Variants in NDEL1 observed in about 807,000 individuals in gnomAD.
The protein encoded by NDEL1 is nuclear distribution protein nudE-like 1.
A neutral mutation model predicts 45.7 loss-of-function variants in NDEL1; 9 were observed. The observed-to-expected ratio is 0.20, with a 90% CI of 0.12 to 0.34. NDEL1 has a LOEUF of 0.34. NDEL1 is among the 10% of genes least tolerant of loss of function. The probability of loss-of-function intolerance (pLI) is 1.00; values close to 1 mark genes in which losing one functional copy is unlikely to be tolerated. For missense variants in NDEL1, 306 were observed against 406.2 expected (o/e 0.75, Z 2.12); for synonymous variants, 133 against 158.6 (o/e 0.84, Z 1.21).
chr17:8,451,638 T>C (rs963717758), intron 6 of NDEL1, among the ~76,000 whole-genome samples: 4 of 152,212 alleles, frequency 2.6e-5, no homozygotes, highest in Non-Finnish European at 5.9e-5. Context: ...AGTGTGTTTT[T>C]TTAAAATCCG....
At chr17:8,421,052 T>C (rs1177359803) in intron 1 of NDEL1, among the ~76,000 whole-genome samples, 1 of 152,220 alleles carries the variant, frequency 6.6e-6, no homozygotes, top group Non-Finnish European at 1.5e-5. Flanking sequence ...AGTTAGGTAT[T>C]TATTTTAGGG....
At chr17:8,456,959 A>G (rs1426028556) in intron 7 of NDEL1, among the ~76,000 whole-genome samples, 2 of 152,210 alleles carry the variant, frequency 1.3e-5, no homozygotes, top group East Asian at 3.8e-4. Context: ...CAATGCACAT[A>G]TATGTGTTAT....
chr17:8,432,370 A>T (rs1253192521), upstream of NDEL1, among the ~76,000 whole-genome samples: 1 of 118,256 alleles, frequency 8.5e-6, no homozygotes, highest in African/African-American at 3.2e-5. Flanking sequence ...ATATATATAT[A>T]TTTAATGGCA....
chr17:8,457,555 C>A (rs1023216805), intron 7 of NDEL1, among the ~76,000 whole-genome samples: 6 of 152,214 alleles, frequency 3.9e-5, no homozygotes, highest in Non-Finnish European at 8.8e-5. Context: ...TCATTTATGC[C>A]TCTTTACACG....
chr17:8,472,468 G>A (rs1417524351), downstream of NDEL1, among the ~76,000 whole-genome samples: 2 of 152,132 alleles, frequency 1.3e-5, no homozygotes, highest in Non-Finnish European at 2.9e-5. Flanking sequence ...AAACCAACCT[G>A]TCCAACATGG....
At chr17:8,458,116 A>AGC in intron 7 of NDEL1, among the ~76,000 whole-genome samples, 1 of 151,528 alleles carries the variant, frequency 6.6e-6, no homozygotes, top group East Asian at 1.9e-4. Flanking sequence ...AGTGCTGTCA[A>AGC]ATCCTGTGGA....
chr17:8,440,279 A>G (rs1909643708), intron 1 of NDEL1, among the ~76,000 whole-genome samples: 2 of 152,180 alleles, frequency 1.3e-5, no homozygotes, highest in South Asian at 4.1e-4. Flanking sequence ...GCACTTTGGG[A>G]GGCCGAGGAG....
intron 1 of NDEL1, among the ~76,000 whole-genome samples, chr17:8,442,006 T>C (rs1909765563): frequency 6.6e-6 from 1 of 152,222 alleles, no homozygotes; most frequent in South Asian, 2.1e-4. Context: ...CCTAAAATTT[T>C]CTTATTCATG....
rs183701668 is a variant in NDEL1, at chr17:8,457,214, T to G, written c.792+2327T>G. On this transcript the variant is annotated intron_variant, in intron 7 of 8. Transcript: ENST00000334527. ...TTCTTTGCTCTCGGATCTTCTAGCT[T>G]CTTCTTCACACTCTTTGTGGGATGC... 9.8e-5 allele frequency among the ~76,000 whole-genome samples: 15 copies of G among 152,318 alleles called. 1 individual carries two copies. In the East Asian group the frequency reaches 1.7e-3, roughly 18 times the overall value.
chr17:8,458,408 C>T (rs983179217), intron 7 of NDEL1, among the ~76,000 whole-genome samples: 1 of 152,128 alleles, frequency 6.6e-6, no homozygotes, highest in Non-Finnish European at 1.5e-5. Context: ...CCTTTCCCCC[C>T]TCAAAAGACC....
At chr17:8,447,962 ATTGGT>A (rs1597539104) in intron 4 of NDEL1, among the ~76,000 whole-genome samples, 1 of 82,818 alleles carries the variant, frequency 1.2e-5, no homozygotes, top group East Asian at 4.2e-4. Context: ...CAGCAGCCAG[ATTGGT>A]TGCGGGGAGG....
chr17:8,419,299 TAA>T (rs1320701200), intron 1 of NDEL1, among the ~76,000 whole-genome samples: 1 of 152,168 alleles, frequency 6.6e-6, no homozygotes, highest in Non-Finnish European at 1.5e-5. Flanking sequence ...AAAATACTGA[TAA>T]ACACAAAAAA....
chr17:8,445,924 T>C (rs1376847995), intron 3 of NDEL1, 60 bp downstream of exon 3: 14 of 1,355,904 alleles, frequency 1.0e-5, no homozygotes, highest in Non-Finnish European at 1.2e-5. Flanking sequence ...ATGAGAAATA[T>C]GTTTTTCAGG....
chr17:8,464,999 G>T (rs1411380131), intron 8 of NDEL1: 1 of 152,268 alleles, frequency 6.6e-6, no homozygotes, highest in African/African-American at 2.4e-5. Flanking sequence ...ATTCTTCTTG[G>T]CATCCAATGG....
At chr17:8,456,377 TTTATC>T (rs1910843564) in intron 7 of NDEL1, among the ~76,000 whole-genome samples, 1 of 152,204 alleles carries the variant, frequency 6.6e-6, no homozygotes, top group African/African-American at 2.4e-5. Context: ...TATTTTTCTG[TTTATC>T]TTGATTTACT....
intron 1 of NDEL1, among the ~76,000 whole-genome samples, chr17:8,424,185 A>G (rs776216902): frequency 6.6e-6 from 1 of 152,234 alleles, no homozygotes; most frequent in Non-Finnish European, 1.5e-5. Flanking sequence ...TCTACTTTAC[A>G]AAGATGGGAT....
chr17:8,431,603 G>T (rs1039336998), upstream of NDEL1, among the ~76,000 whole-genome samples: 2 of 152,188 alleles, frequency 1.3e-5, no homozygotes, highest in East Asian at 1.9e-4. Flanking sequence ...ATTCGAACAG[G>T]GTGGGTTTGA....
rs374147342 is a variant in NDEL1, at chr17:8,443,917, C to T, written c.-12-343C>T. ...TGACAATAAGCTTGTTTCTGTCTCC[C>T]GATTCGCAGAAGACCACGTGGCCTT... On this transcript the variant is annotated intron_variant, in intron 1 of 8. Coordinates refer to ENST00000334527, the MANE Select transcript of NDEL1 (RefSeq NM_030808.5). 3.5e-5 allele frequency: 6 copies of T among 170,604 alleles called. No individual in the cohort carries two copies. In the East Asian group the frequency reaches 4.9e-4, roughly 14 times the overall value. The allele number at this position is 170,604 out of a possible 1,614,324, so 10.6% of individuals were successfully genotyped here. A position where few individuals can be genotyped will look rare whatever the true frequency, so the allele number is the denominator to read the frequency against.
downstream of NDEL1, among the ~76,000 whole-genome samples, chr17:8,471,708 GA>G (rs564710412): frequency 1.1e-4 from 16 of 152,296 alleles, no homozygotes; most frequent in South Asian, 2.7e-3. Flanking sequence ...TAGCATGATG[GA>G]CTTACACCCT....
Sources: gnomAD v4.1 joint callset for allele counts (sites outside exome capture counted in the v4.1 genomes callset) on GRCh38, gnomAD v4.1.1 for gene constraint, MANE v1.5 for transcripts, NCBI Gene and HGNC (gene_info 2026-07-23, HGNC 2026-07-21) for gene names.